Variants in RBMS3 observed in about 807,000 individuals in gnomAD.
RBMS3 encodes the protein RNA binding motif single stranded interacting protein 3.
RBMS3 carries 27 observed loss-of-function variants against 66.8 expected under a neutral mutation model. The observed-to-expected ratio is 0.40, with a 90% CI of 0.30 to 0.56. The LOEUF (loss-of-function observed/expected upper bound fraction) is 0.56. Among genes scored for constraint, RBMS3 ranks in the 20% least tolerant of loss-of-function variants. The pLI, the probability that RBMS3 is intolerant of heterozygous loss-of-function variation, is 0.40. For missense variants in RBMS3, 513 were observed against 549.5 expected (o/e 0.93, Z 0.66); for synonymous variants, 188 against 183.0 (o/e 1.03, Z -0.22).
At chr3:29,464,178 T>C (rs2042463059) in intron 2 of RBMS3, among the ~76,000 whole-genome samples, 1 of 152,014 alleles carries the variant, frequency 6.6e-6, no homozygotes, top group Non-Finnish European at 1.5e-5. Context: ...TTCTAAAATA[T>C]AAAGAAATAT....
chr3:29,805,384 A>T, intron 6 of RBMS3, among the ~76,000 whole-genome samples: 1 of 152,180 alleles, frequency 6.6e-6, no homozygotes, highest in South Asian at 2.1e-4. Flanking sequence ...TTTTATGGTT[A>T]TTTGAGAGTG....
intron 10 of RBMS3, among the ~76,000 whole-genome samples, chr3:29,913,512 G>T (rs2060568252): frequency 6.6e-6 from 1 of 151,890 alleles, no homozygotes; most frequent in African/African-American, 2.4e-5. Context: ...AGAAATAGTA[G>T]AAACAAGCTG....
At chr3:29,475,493 G>C (rs113681111) in intron 2 of RBMS3, among the ~76,000 whole-genome samples, 1 of 151,980 alleles carries the variant, frequency 6.6e-6, no homozygotes, top group Admixed American at 6.6e-5. Flanking sequence ...CAGGCAATCC[G>C]TCCAGCTCAG....
chr3:29,927,411 G>A (rs1240700256), intron 10 of RBMS3, among the ~76,000 whole-genome samples: 2 of 152,018 alleles, frequency 1.3e-5, no homozygotes, highest in African/African-American at 4.8e-5. Context: ...CACTGTGCTG[G>A]GCTCAGAACC....
intron 1 of RBMS3, among the ~76,000 whole-genome samples, chr3:29,420,222 A>G (rs1158985627): frequency 6.6e-6 from 1 of 152,182 alleles, no homozygotes; most frequent in Non-Finnish European, 1.5e-5. Flanking sequence ...ATGGAAACTT[A>G]CTAAATCAGC....
chr3:29,848,666 C>G (rs2058851525), intron 6 of RBMS3, among the ~76,000 whole-genome samples: 1 of 152,258 alleles, frequency 6.6e-6, no homozygotes, highest in Middle Eastern at 3.4e-3. Context: ...TATGGAGATT[C>G]ATTATACTAT....
intron 4 of RBMS3, among the ~76,000 whole-genome samples, chr3:29,722,434 T>A (rs73829325): frequency 0.044 from 6,661 of 152,222 alleles, 473 homozygotes; most frequent in African/African-American, 0.15. Context: ...TCATTTACAT[T>A]ACAACAGTGG....
At chr3:29,816,353 T>C (rs1401340083) in intron 6 of RBMS3, among the ~76,000 whole-genome samples, 1 of 145,618 alleles carries the variant, frequency 6.9e-6, no homozygotes, top group Non-Finnish European at 1.5e-5. Context: ...CACACACATT[T>C]CACTGGACAG....
intron 3 of RBMS3, among the ~76,000 whole-genome samples, chr3:29,566,246 T>C (rs769721522): frequency 3.9e-5 from 6 of 152,088 alleles, no homozygotes; most frequent in Non-Finnish European, 7.4e-5. Context: ...TTATGCCCAC[T>C]GCAATGAAGG....
intron 12 of RBMS3, among the ~76,000 whole-genome samples, chr3:29,972,313 TTTAA>T (rs1697281131): frequency 6.6e-6 from 1 of 152,100 alleles, no homozygotes; most frequent in African/African-American, 2.4e-5. Flanking sequence ...AGTAGTACCA[TTTAA>T]TTGTTTCCCT....
At chr3:29,963,049 T>C (rs192820589) in intron 12 of RBMS3, among the ~76,000 whole-genome samples, 1 of 152,230 alleles carries the variant, frequency 6.6e-6, no homozygotes, top group Admixed American at 6.5e-5. Flanking sequence ...ATTTTTTTTT[T>C]TTTCTGTTTT....
At chr3:29,605,014 A>T (rs2048275073) in intron 4 of RBMS3, among the ~76,000 whole-genome samples, 1 of 151,914 alleles carries the variant, frequency 6.6e-6, no homozygotes, top group Non-Finnish European at 1.5e-5. Flanking sequence ...TCTTTTCTTT[A>T]TTCATACACT....
chr3:29,990,987 C>T, intron 13 of RBMS3, 95 bp from the exon 14 acceptor site: 2 of 1,258,392 alleles, frequency 1.6e-6, no homozygotes, highest in Non-Finnish European at 2.3e-6. Context: ...GGTATCTCTA[C>T]TTAAGCCAAA....
At chr3:29,294,766 T>C (rs1302654725) in intron 1 of RBMS3, among the ~76,000 whole-genome samples, 2 of 151,758 alleles carry the variant, frequency 1.3e-5, no homozygotes, top group African/African-American at 4.8e-5. Flanking sequence ...TTTCGGTCCA[T>C]CTTTTTGTCA....
chr3:29,685,225 AT>A (rs550148514), intron 4 of RBMS3, among the ~76,000 whole-genome samples: 5 of 150,756 alleles, frequency 3.3e-5, no homozygotes, highest in African/African-American at 2.4e-5. Flanking sequence ...CGCCCAGCTA[AT>A]TTTTTTTTGT....
At chr3:29,722,938 T>C (rs551381161) in intron 4 of RBMS3, among the ~76,000 whole-genome samples, 3 of 152,082 alleles carry the variant, frequency 2.0e-5, no homozygotes, top group Non-Finnish European at 4.4e-5. Flanking sequence ...GTACATTTCC[T>C]AGTTCCTATC....
chr3:29,385,262 G>T (rs1173900477), intron 1 of RBMS3, among the ~76,000 whole-genome samples: 2 of 152,052 alleles, frequency 1.3e-5, no homozygotes, highest in Non-Finnish European at 2.9e-5. Flanking sequence ...GCAGACCTTC[G>T]CAACTAATCC....
intron 3 of RBMS3, among the ~76,000 whole-genome samples, chr3:29,578,412 G>C (rs986058130): frequency 1.3e-5 from 2 of 152,080 alleles, no homozygotes; most frequent in African/African-American, 4.8e-5. Context: ...ACTTGTATTT[G>C]ATATGTCAAG....
intron 1 of RBMS3, among the ~76,000 whole-genome samples, chr3:29,366,427 T>C (rs7651268): frequency 0.65 from 99,224 of 152,062 alleles, 32,724 homozygotes; most frequent in Non-Finnish European, 0.69. Flanking sequence ...TGCTTTGTTG[T>C]CTAGACTAGA....
Sources: gnomAD v4.1 joint callset for allele counts (sites outside exome capture counted in the v4.1 genomes callset) on GRCh38, gnomAD v4.1.1 for gene constraint, MANE v1.5 for transcripts, NCBI Gene and HGNC (gene_info 2026-07-23, HGNC 2026-07-21) for gene names.